RIOK1: variants seen among roughly 807,000 people sequenced by gnomAD.
RIOK1 encodes RIO kinase 1.
Under a neutral mutation model 73.5 loss-of-function variants are expected in RIOK1, and 66 were observed. The ratio of observed to expected loss-of-function variants is 0.90; its 90% CI spans 0.74 to 1.10. RIOK1 has a LOEUF of 1.10. Ranked by LOEUF, RIOK1 falls within the 50% of genes least tolerant of loss-of-function variation. The pLI is 0.00. For missense variants in RIOK1, 658 were observed against 699.8 expected (o/e 0.94, Z 0.67); for synonymous variants, 224 against 226.8 (o/e 0.99, Z 0.11).
chr6:7,408,935 G>A (rs1761817531), intron 12 of RIOK1, among the ~76,000 whole-genome samples: 1 of 151,602 alleles, frequency 6.6e-6, no homozygotes, highest in Non-Finnish European at 1.5e-5. Context: ...TGGTCAGGCT[G>A]GCCTTGAACT....
intron 12 of RIOK1, among the ~76,000 whole-genome samples, chr6:7,408,544 A>C (rs192978758): frequency 6.6e-6 from 1 of 152,198 alleles, no homozygotes; most frequent in African/African-American, 2.4e-5. Context: ...GTCACTTATT[A>C]TACTAAGTCC....
At position 7,411,341 on chromosome 6, in the gene RIOK1, C is replaced by T. The variant is rs767612123; in HGVS notation, c.1279C>T (p.Arg427Ter). Residue 427 changes from arginine (R) to a stop codon, truncating the protein, a stop_gained, in exon 14 of 17, where the codon CGA becomes TGA. Coordinates refer to ENST00000379834, the MANE Select transcript of RIOK1 (RefSeq NM_031480.3). LOFTEE classifies it high-confidence loss of function. ...TTTTCCTCTCTGTTAGGTGTTTAAG[C>T]GAGCATATATTCCTAGAACCTTGAA... ...QDHVDEEVFK[R>*]AYIPRTLNEV... is the part of the protein sequence containing the mutation. 3.0e-5 allele frequency: 48 copies of T among 1,613,628 alleles called. No homozygotes were observed. The highest frequency in any genetic ancestry group is 7.7e-5 in the South Asian group (7 of 91,036).
At chr6:7,408,786 A>G (rs908722935) in intron 12 of RIOK1, among the ~76,000 whole-genome samples, 4 of 143,002 alleles carry the variant, frequency 2.8e-5, no homozygotes, top group African/African-American at 5.3e-5. Flanking sequence ...CAGTGGGGCA[A>G]TCTCGGCTCA....
In RIOK1 at chr6:7,398,686, GT is replaced by G; in HGVS notation, c.438-7del. ...TTGAATGTGTCAACTATACGTTTTT[GT>G]TTTTGGTTAGGTATCGCATCAAAGA... is the stretch of plus-strand genomic sequence containing the variant. On this transcript the variant is annotated splice_polypyrimidine_tract_variant and intron_variant, in intron 4 of 16. Coordinates refer to ENST00000379834, the MANE Select transcript of RIOK1 (RefSeq NM_031480.3). 1 of 1,609,538 alleles carries G rather than the reference GT, an allele frequency of 6.2e-7. No homozygotes were observed. Among genetic ancestry groups the G allele is most frequent in the Non-Finnish European group, 8.5e-7 (1 of 1,177,290 alleles).
chr6:7,391,786 C>T (rs1015326483), intron 1 of RIOK1, among the ~76,000 whole-genome samples: 1 of 152,166 alleles, frequency 6.6e-6, no homozygotes, highest in Non-Finnish European at 1.5e-5. Context: ...GACAGTCCCC[C>T]ACAACGAAGA....
chr6:7,409,011 G>A (rs1221296653), intron 12 of RIOK1, among the ~76,000 whole-genome samples: 1 of 150,830 alleles, frequency 6.6e-6, no homozygotes. Flanking sequence ...GTGAGCCACC[G>A]CACCCGGCCT....
intron 16 of RIOK1, 130 bp from the exon 17 acceptor site, chr6:7,417,201 T>C: frequency 3.8e-6 from 2 of 532,070 alleles, no homozygotes; most frequent in Non-Finnish European, 6.7e-6. Flanking sequence ...AAGTGAACCA[T>C]GGTCACGCCA....
At chr6:7,394,828 TAAAA>T (rs538389109) in intron 2 of RIOK1, among the ~76,000 whole-genome samples, 62 of 152,320 alleles carry the variant, frequency 4.1e-4, no homozygotes, top group Middle Eastern at 3.4e-3. Context: ...ATAGAGAAGT[TAAAA>T]AAACGGATTA....
chr6:7,398,974 G>A (rs968688424), intron 5 of RIOK1, among the ~76,000 whole-genome samples: 2 of 152,126 alleles, frequency 1.3e-5, no homozygotes, highest in Non-Finnish European at 2.9e-5. Flanking sequence ...ACCATGCGAT[G>A]CTTTCCCTTC....
At position 7,400,974 on chromosome 6, in the gene RIOK1, C is replaced by A. The variant is rs765791938; in HGVS notation, c.497C>A (p.Thr166Lys). 1 of 1,607,954 alleles carries A rather than the reference C, an allele frequency of 6.2e-7. No individual in the cohort carries two copies. Residue 166 changes from threonine (T) to lysine (K), a missense_variant, in exon 6 of 17, where the codon ACA becomes AAA. Thr to Lys is a moderately conservative substitution (Grantham distance 78). Coordinates refer to ENST00000379834, the MANE Select transcript of RIOK1 (RefSeq NM_031480.3). ...TCTTTTTAGGTGTTGGATCCCAGAA[C>A]AAGAATGATTTTATTCAAGATGTTG... ...ATVEQVLDPR[T>K]RMILFKMLTR...
chr6:7,407,153 G>A (rs868352656), intron 12 of RIOK1, among the ~76,000 whole-genome samples: 1 of 152,208 alleles, frequency 6.6e-6, no homozygotes, highest in Non-Finnish European at 1.5e-5. Context: ...TATACACCCA[G>A]AAGTAGAATT....
Position 7,417,626 on chromosome 6 carries a change from A to T in RIOK1, c.*185A>T. On this transcript the variant is annotated 3_prime_UTR_variant, in exon 17 of 17. Transcript: ENST00000379834. ...GCTCTAAGCTCTAGAGTCTAGATCC[A>T]GTCACTGACTCTGTCTGGTGTTGAC... The T allele has an allele frequency of 2.6e-6, 1 of 384,890 alleles. No individual in the cohort carries two copies. Among genetic ancestry groups the T allele is most frequent in the East Asian group, 3.9e-5 (1 of 25,448 alleles). 23.8% of individuals were successfully genotyped at this position (384,890 alleles called of 1,614,324 possible). A position where few individuals can be genotyped will look rare whatever the true frequency, so the allele number is the denominator to read the frequency against.
chr6:7,417,229 G>C (rs552331364), intron 16 of RIOK1, 102 bp from the exon 17 acceptor site: 13 of 651,364 alleles, frequency 2.0e-5, no homozygotes, highest in Non-Finnish European at 2.8e-5. Context: ...CAGCCTGGGC[G>C]ACAGAGCAAG....
intron 8 of RIOK1, among the ~76,000 whole-genome samples, chr6:7,403,157 C>T (rs1761655314): frequency 1.3e-5 from 2 of 152,192 alleles, no homozygotes; most frequent in Non-Finnish European, 2.9e-5. Flanking sequence ...GAAGCTAGAT[C>T]ATTTGGAAGG....
intron 1 of RIOK1, among the ~76,000 whole-genome samples, chr6:7,390,785 C>A (rs1761313139): frequency 6.6e-6 from 1 of 152,150 alleles, no homozygotes; most frequent in African/African-American, 2.4e-5. Flanking sequence ...GTGAAAAGTT[C>A]AGATATTAAT....
intron 1 of RIOK1, among the ~76,000 whole-genome samples, chr6:7,390,432 G>A (rs1226605167): frequency 6.6e-6 from 1 of 152,194 alleles, no homozygotes; most frequent in African/African-American, 2.4e-5. Context: ...CCTGGGCGCC[G>A]GAGGTAACAA....
chr6:7,398,681 T>A lies in RIOK1; in HGVS notation c.438-17T>A. Reference sequence around the variant, plus strand: ...GAATTTTGAATGTGTCAACTATACGTTTTTGTTTTTGGTTAGGTATCGCAT... The same window carrying A: ...GAATTTTGAATGTGTCAACTATACGATTTTGTTTTTGGTTAGGTATCGCAT... On this transcript the variant is annotated splice_polypyrimidine_tract_variant and intron_variant, in intron 4 of 16. Transcript: ENST00000379834. 1 of 1,607,864 alleles carries A rather than the reference T, an allele frequency of 6.2e-7. No individual in the cohort carries two copies.
At position 7,405,231 on chromosome 6, in the gene RIOK1, C is replaced by T. The variant is rs768016288; in HGVS notation, c.1097-18C>T. 8 of 1,513,426 alleles carry T rather than the reference C, an allele frequency of 5.3e-6. No individual in the cohort carries two copies. Among genetic ancestry groups the T allele is most frequent in the South Asian group, 1.1e-5 (1 of 87,946 alleles). 93.7% of individuals were successfully genotyped at this position (1,513,426 alleles called of 1,614,324 possible). A position where few individuals can be genotyped will look rare whatever the true frequency, so the allele number is the denominator to read the frequency against. On this transcript the variant is annotated intron_variant, in intron 11 of 16. Transcript: ENST00000379834. ...TTTTCCTCATAAAAGCTGTCATTAA[C>T]GTTTTTCCTTCTGACAGATTTCTTT...
chr6:7,391,861 A>T (rs1417025050), intron 1 of RIOK1, among the ~76,000 whole-genome samples: 1 of 152,238 alleles, frequency 6.6e-6, no homozygotes, highest in South Asian at 2.1e-4. Flanking sequence ...TCTGTGGAGC[A>T]TATGTATGAA....
Sources: allele counts gnomAD v4.1 joint callset (sites outside exome capture counted in the v4.1 genomes callset), GRCh38; gene constraint gnomAD v4.1.1; transcripts MANE v1.5; gene names NCBI Gene and HGNC (gene_info 2026-07-23, HGNC 2026-07-21).